CEACAM4: variants seen among roughly 807,000 people sequenced by gnomAD.
The protein encoded by CEACAM4 is CEA cell adhesion molecule 4, also known as cell adhesion molecule CEACAM4.
CEACAM4 carries 30 observed loss-of-function variants against 28.7 expected under a neutral mutation model. The observed-to-expected ratio is 1.05, with a 90% CI of 0.78 to 1.42. The LOEUF (loss-of-function observed/expected upper bound fraction) is 1.42, where lower values mean the gene tolerates loss of function less well. Ranked by LOEUF, CEACAM4 falls within the 40% of genes most tolerant of loss-of-function variation. CEACAM4 has a pLI of 0.00. For missense variants in CEACAM4, 330 were observed against 308.2 expected (o/e 1.07, Z -0.53); for synonymous variants, 143 against 126.5 (o/e 1.13, Z -0.87).
rs149465019 is a variant in CEACAM4, at chr19:41,620,849, C to T, written c.543-222G>A. On this transcript the variant is annotated intron_variant, in intron 3 of 6. Transcript: ENST00000221954. ...AGGAAGGACCCCCCCAGGCAGATGC[C>T]GGGTGAGGAGAACATTGACCCAGGG... Among the ~76,000 whole-genome samples, 364 of 151,966 alleles carry T rather than the reference C, an allele frequency of 2.4e-3. 2 individuals carry two copies. The highest frequency in any genetic ancestry group is 8.3e-3 in the African/African-American group (343 of 41,406).
Position 41,625,977 on chromosome 19 carries a change from G to A in CEACAM4, c.65-17C>T, listed in dbSNP as rs782049066. 1 of 1,594,924 alleles carries A rather than the reference G, an allele frequency of 6.3e-7. No homozygotes were observed. The highest frequency in any genetic ancestry group is 1.7e-5 in the Admixed American group (1 of 58,500). On this transcript the variant is annotated splice_polypyrimidine_tract_variant and intron_variant, in intron 1 of 6. Transcript: ENST00000221954. The stretch of plus-strand genomic sequence containing the variant: ...AAAGTGAGGCTAGGAGGTGAAGACA[G>A]CATCAGTCAATACTGGGACCTATGG...
chr19:41,626,734 C>G (rs2071688709), intron 1 of CEACAM4, among the ~76,000 whole-genome samples, 166 bp downstream of exon 1: 1 of 152,190 alleles, frequency 6.6e-6, no homozygotes, highest in Admixed American at 6.5e-5. Flanking sequence ...ACCCCTGCCC[C>G]TCTCTGATGT....
downstream of CEACAM4, among the ~76,000 whole-genome samples, chr19:41,616,834 CAG>C (rs1444867185): frequency 2.6e-5 from 4 of 152,112 alleles, no homozygotes; most frequent in African/African-American, 9.7e-5. Context: ...ATGTTGTAGG[CAG>C]AGACAGTGGC....
At chr19:41,620,332 A>T (rs1202132298) in intron 4 of CEACAM4, 90 bp from the exon 5 acceptor site, 4 of 1,201,756 alleles carry the variant, frequency 3.3e-6, no homozygotes, top group African/African-American at 3.2e-5. Flanking sequence ...GCTCCCAGAG[A>T]ATCAGGGAGA....
intron 6 of CEACAM4, 56 bp from the exon 7 acceptor site, chr19:41,619,451 G>C: frequency 1.2e-6 from 2 of 1,601,646 alleles, no homozygotes; most frequent in Non-Finnish European, 1.7e-6. Context: ...ACAGTGTCTG[G>C]CATCTCCCAG....
downstream of CEACAM4, among the ~76,000 whole-genome samples, chr19:41,616,901 C>A (rs1323011032): frequency 1.3e-5 from 2 of 152,158 alleles, no homozygotes; most frequent in African/African-American, 4.8e-5. Flanking sequence ...CTGTGAGCCC[C>A]CCAAGAGACC....
downstream of CEACAM4, among the ~76,000 whole-genome samples, chr19:41,616,624 G>A (rs782595102): frequency 3.3e-5 from 5 of 152,046 alleles, no homozygotes; most frequent in African/African-American, 4.8e-5. Context: ...GATGGCAAAG[G>A]CCTCTGACAC....
chr19:41,615,896 G>A (rs2070977349), downstream of CEACAM4, among the ~76,000 whole-genome samples: 1 of 152,208 alleles, frequency 6.6e-6, no homozygotes, highest in Admixed American at 6.5e-5. Context: ...CTGTGGGTAA[G>A]AGGTGATGGG....
downstream of CEACAM4, among the ~76,000 whole-genome samples, chr19:41,614,216 C>T (rs1446875287): frequency 6.6e-6 from 1 of 152,232 alleles, no homozygotes; most frequent in Non-Finnish European, 1.5e-5. Flanking sequence ...AGTGAACATC[C>T]TCATACACAC....
downstream of CEACAM4, among the ~76,000 whole-genome samples, chr19:41,617,190 G>A (rs923193546): frequency 2.0e-5 from 3 of 152,124 alleles, no homozygotes; most frequent in Non-Finnish European, 4.4e-5. Flanking sequence ...TTGAAGGGCC[G>A]GTGAGTTGTG....
At chr19:41,620,994 G>A (rs1177712969) in intron 3 of CEACAM4, among the ~76,000 whole-genome samples, 1 of 152,066 alleles carries the variant, frequency 6.6e-6, no homozygotes, top group Non-Finnish European at 1.5e-5. Context: ...CACTGGGGGA[G>A]CTGGGGGCAT....
At chr19:41,623,894 A>C (rs1413629774) in intron 2 of CEACAM4, among the ~76,000 whole-genome samples, 2 of 152,132 alleles carry the variant, frequency 1.3e-5, no homozygotes, top group Non-Finnish European at 2.9e-5. Flanking sequence ...TCCAGGGTGT[A>C]AGGCAAACGT....
rs1555800108 is a variant in CEACAM4, at chr19:41,619,415, G to T, written c.670-20C>A. 2.5e-6 allele frequency: 4 copies of T among 1,612,324 alleles called. No homozygotes were observed. The Admixed American group carries it at 6.7e-5, about 27-fold the overall frequency. On this transcript the variant is annotated intron_variant, in intron 6 of 6. Transcript: ENST00000221954. Reference sequence around the variant, plus strand: ...CAATTCCTGTAAAAACAGAGAAGAGGCCTCAACCCCTGTAGCCTTCTCAGA... The same window carrying T: ...CAATTCCTGTAAAAACAGAGAAGAGTCCTCAACCCCTGTAGCCTTCTCAGA...
downstream of CEACAM4, among the ~76,000 whole-genome samples, chr19:41,617,604 G>C (rs189368507): frequency 1.8e-4 from 27 of 152,314 alleles, 1 homozygote; most frequent in East Asian, 1.9e-3. Context: ...CCTTTTAAGT[G>C]AGAGAGGGAG....
At chr19:41,624,535 C>G (rs2071513860) in intron 2 of CEACAM4, among the ~76,000 whole-genome samples, 4 of 152,196 alleles carry the variant, frequency 2.6e-5, no homozygotes, top group Admixed American at 2.6e-4. Context: ...TCATAACTCT[C>G]CAGACCAGAA....
chr19:41,617,739 G>A (rs1234394509), downstream of CEACAM4, among the ~76,000 whole-genome samples: 5 of 152,158 alleles, frequency 3.3e-5, no homozygotes, highest in African/African-American at 1.2e-4. Context: ...CTAGGAGGTG[G>A]AAAAGGAGAG....
chr19:41,616,532 GATAGATAGA>G (rs2070986800), downstream of CEACAM4, among the ~76,000 whole-genome samples: 5 of 138,650 alleles, frequency 3.6e-5, no homozygotes, highest in African/African-American at 1.3e-4. Flanking sequence ...TAGATAGATA[GATAGATAGA>G]TAGATATTCA....
chr19:41,620,813 C>T (rs1285954874), intron 3 of CEACAM4, among the ~76,000 whole-genome samples, 186 bp from the exon 4 acceptor site: 1 of 151,986 alleles, frequency 6.6e-6, no homozygotes, highest in African/African-American at 2.4e-5. Flanking sequence ...TCACGTCTGT[C>T]CTGGCCAGAG....
chr19:41,619,531 C>A, intron 6 of CEACAM4, 136 bp from the exon 7 acceptor site: 1 of 1,544,982 alleles, frequency 6.5e-7, no homozygotes, highest in East Asian at 2.3e-5. Flanking sequence ...GTTCCCAGGC[C>A]CCTCCCTCCT....
Sources: allele counts gnomAD v4.1 joint callset (sites outside exome capture counted in the v4.1 genomes callset), GRCh38; gene constraint gnomAD v4.1.1; transcripts MANE v1.5; gene names NCBI Gene and HGNC (gene_info 2026-07-23, HGNC 2026-07-21).